Variants in RPS6KC1 observed in about 807,000 individuals in gnomAD.
RPS6KC1 encodes ribosomal protein S6 kinase C1.
Under a neutral mutation model 103.8 loss-of-function variants are expected in RPS6KC1, and 54 were observed. That is an observed-to-expected ratio of 0.52 (90% CI 0.42 to 0.65). RPS6KC1 has a LOEUF of 0.65. Among genes scored for constraint, RPS6KC1 ranks in the 30% least tolerant of loss-of-function variants. RPS6KC1 has a pLI of 0.00. For missense variants in RPS6KC1, 1,151 were observed against 1,253.8 expected (o/e 0.92, Z 1.24); for synonymous variants, 439 against 438.7 (o/e 1.00, Z -0.01).
the RPS6KC1 span, among the ~76,000 whole-genome samples, chr1:213,544,678 C>A: frequency 6.6e-6 from 1 of 152,192 alleles, no homozygotes; most frequent in Non-Finnish European, 1.5e-5. Flanking sequence ...GCTTTGCTTG[C>A]ATCTCATGGT....
At chr1:213,650,135 T>C in the RPS6KC1 span, among the ~76,000 whole-genome samples, 6,895 of 152,242 alleles carry the variant, frequency 0.045, 267 homozygotes, top group East Asian at 0.16. Flanking sequence ...AGGCGCTCCC[T>C]ATGTTGCCCA....
chr1:213,745,227 G>GT, the RPS6KC1 span, among the ~76,000 whole-genome samples: 38,291 of 147,616 alleles, frequency 0.26, 5,836 homozygotes, highest in East Asian at 0.54. Context: ...GGAAGCTAGG[G>GT]TTTTTTTTTT....
At chr1:213,602,341 C>T in the RPS6KC1 span, among the ~76,000 whole-genome samples, 1 of 146,796 alleles carries the variant, frequency 6.8e-6, no homozygotes, top group Non-Finnish European at 1.5e-5. Context: ...TCAAGTGATT[C>T]TCCTGTCTCA....
the RPS6KC1 span, among the ~76,000 whole-genome samples, chr1:213,371,740 T>C: frequency 9.2e-5 from 14 of 152,358 alleles, no homozygotes; most frequent in East Asian, 1.3e-3. Context: ...CTGCCACTTC[T>C]GCATAACATA....
chr1:213,143,186 T>C (rs571973664), intron 6 of RPS6KC1, among the ~76,000 whole-genome samples: 3 of 152,068 alleles, frequency 2.0e-5, no homozygotes, highest in African/African-American at 7.2e-5. Flanking sequence ...GATATTCAAC[T>C]GTTTTGTATA....
At chr1:213,115,290 A>G (rs2083461200) in intron 4 of RPS6KC1, among the ~76,000 whole-genome samples, 2 of 151,942 alleles carry the variant, frequency 1.3e-5, no homozygotes, top group Admixed American at 1.3e-4. Context: ...GGGAGAGTGT[A>G]TGTGTCGAGG....
the RPS6KC1 span, among the ~76,000 whole-genome samples, chr1:213,664,198 G>GGGGGGGC: frequency 1.4e-5 from 2 of 143,174 alleles, no homozygotes; most frequent in Non-Finnish European, 3.1e-5. Flanking sequence ...TGAGCGGGGG[G>GGGGGGGC]GCGGGGTGGG....
chr1:213,473,782 A>G, the RPS6KC1 span, among the ~76,000 whole-genome samples: 1 of 152,246 alleles, frequency 6.6e-6, no homozygotes, highest in Non-Finnish European at 1.5e-5. Flanking sequence ...ATGGTCTAAA[A>G]TAACTCAGTA....
intron 8 of RPS6KC1, among the ~76,000 whole-genome samples, chr1:213,216,790 GA>G (rs2093676492): frequency 6.6e-6 from 1 of 152,156 alleles, no homozygotes; most frequent in South Asian, 2.1e-4. Flanking sequence ...ATAACGAAAT[GA>G]AGGCAGAAAT....
chr1:213,051,737 G>C lies in RPS6KC1; in HGVS notation c.105+228G>C, dbSNP rs147524766. Among the ~76,000 whole-genome samples the C allele has an allele frequency of 9.2e-5, 14 of 152,256 alleles. No individual in the cohort carries two copies. In the East Asian group the frequency reaches 2.7e-3, roughly 29 times the overall value. On this transcript the variant is annotated intron_variant, in intron 1 of 14. Transcript: ENST00000366960. The stretch of plus-strand genomic sequence containing the variant: ...AGGTCGTGGTAGAGTCCTCTTTCTG[G>C]GGGTGGGGCAGTCAGTGGTTGATGG...
the RPS6KC1 span, among the ~76,000 whole-genome samples, chr1:213,581,460 A>T: frequency 6.6e-6 from 1 of 152,100 alleles, no homozygotes; most frequent in Non-Finnish European, 1.5e-5. Context: ...CTGTAGTCCC[A>T]GTCCGATCCC....
chr1:213,102,996 CA>C (rs2082144487), intron 3 of RPS6KC1, among the ~76,000 whole-genome samples: 1 of 152,024 alleles, frequency 6.6e-6, no homozygotes, highest in African/African-American at 2.4e-5. Context: ...CACTTGCATC[CA>C]GGAATTCGAC....
At chr1:213,833,809 GGACA>G in the RPS6KC1 span, among the ~76,000 whole-genome samples, 65 of 152,110 alleles carry the variant, frequency 4.3e-4, no homozygotes, top group Non-Finnish European at 5.0e-4. Context: ...ACTAGAGGTG[GGACA>G]AGTCAGGGTG....
chr1:213,348,135 A>T, the RPS6KC1 span, among the ~76,000 whole-genome samples: 4 of 152,142 alleles, frequency 2.6e-5, no homozygotes, highest in Non-Finnish European at 5.9e-5. Flanking sequence ...ATGAGAACCA[A>T]CCGGGGAGCT....
At position 213,241,144 on chromosome 1, in the gene RPS6KC1, T is replaced by C; in HGVS notation, c.1668T>C (p.Ala556=). 2.5e-6 allele frequency: 4 copies of C among 1,613,944 alleles called. No homozygotes were observed. The highest frequency in any genetic ancestry group is 2.5e-6 in the Non-Finnish European group (3 of 1,179,934). The part of the protein sequence containing the change: ...AIKSFPAHLA[A]DSDSPSTQLR... ...AAAGCTTCCCAGCACACCTTGCTGCTGACAGTGACAGCCCCAGCACACAGC... is the reference window on the plus strand; with the variant it reads ...AAAGCTTCCCAGCACACCTTGCTGCCGACAGTGACAGCCCCAGCACACAGC... The change falls in exon 11 of 15, where the codon GCT becomes GCC. Residue 556 remains alanine (A), a synonymous_variant. Transcript: ENST00000366960.
In RPS6KC1 at chr1:213,242,583, AC is replaced by A; in HGVS notation, c.2837del (p.Thr946SerfsTer18). 2 of 1,612,824 alleles carry A rather than the reference AC, an allele frequency of 1.2e-6. No individual in the cohort carries two copies. Among genetic ancestry groups the A allele is most frequent in the Non-Finnish European group, 1.7e-6 (2 of 1,179,220 alleles). On this transcript the variant is annotated frameshift_variant, in exon 12 of 15. Transcript: ENST00000366960. LOFTEE classifies it high-confidence loss of function. ...TTTGTTTTTAGGACACATTCAGCTA[AC>A]GTATTTTAGCAGGTGGAGTGAGGTT... ...LLNDRGHIQL[T>X]YFSRWSEVED...
chr1:213,577,200 T>C, the RPS6KC1 span, among the ~76,000 whole-genome samples: 1 of 152,130 alleles, frequency 6.6e-6, no homozygotes, highest in African/African-American at 2.4e-5. Context: ...GATCTGATGG[T>C]TTTATAAAGG....
chr1:213,172,007 G>A (rs369597839), intron 7 of RPS6KC1, among the ~76,000 whole-genome samples: 2 of 152,122 alleles, frequency 1.3e-5, no homozygotes, highest in East Asian at 1.9e-4. Flanking sequence ...CGCAGTAATG[G>A]TTACTCTCTC....
chr1:213,316,242 C>T, the RPS6KC1 span, among the ~76,000 whole-genome samples: 8 of 152,220 alleles, frequency 5.3e-5, 1 homozygote, highest in Non-Finnish European at 1.2e-4. Flanking sequence ...TCCCCTTCTG[C>T]CATGATTGTA....
Sources: gnomAD v4.1 joint callset for allele counts (sites outside exome capture counted in the v4.1 genomes callset) on GRCh38, gnomAD v4.1.1 for gene constraint, MANE v1.5 for transcripts, NCBI Gene and HGNC (gene_info 2026-07-23, HGNC 2026-07-21) for gene names.